The following AKR7A2 variants were observed in gnomAD, a reference collection of about 807,000 sequenced individuals.
AKR7A2 encodes aldo-keto reductase family 7 member A2, also known as aflatoxin B1 aldehyde reductase member 2.
AKR7A2 carries 29 observed loss-of-function variants against 37.3 expected under a neutral mutation model. That is an observed-to-expected ratio of 0.78 (90% CI 0.58 to 1.06). The LOEUF (loss-of-function observed/expected upper bound fraction) is 1.06, where lower values mean the gene tolerates loss of function less well. Among genes scored for constraint, AKR7A2 ranks in the 50% least tolerant of loss-of-function variants. The pLI is 0.00. For missense variants in AKR7A2, 529 were observed against 497.9 expected (o/e 1.06, Z -0.59); for synonymous variants, 228 against 217.8 (o/e 1.05, Z -0.41).
At chr1:19,311,227 T>C (rs1277990818) in intron 1 of AKR7A2, among the ~76,000 whole-genome samples, 1 of 152,182 alleles carries the variant, frequency 6.6e-6, no homozygotes, top group Non-Finnish European at 1.5e-5. Context: ...CTGAACTCCC[T>C]GTGGAGGGCT....
chr1:19,304,370 G>C lies in AKR7A2; in HGVS notation c.935C>G (p.Ala312Gly). ...CAGGCTGGACATGCCCAGGATGACC[G>C]CGTCCCCGTGGGCACCCTGCAAGGG... ...HSQLQGAHGD[A>G]VILGMSSLEQ... The change falls in exon 7 of 7, where the codon GCG becomes GGG. Residue 312 changes from alanine to glycine, a missense_variant. By Grantham distance (60) the Ala-to-Gly change is moderately conservative (BLOSUM62 0). Coordinates refer to ENST00000235835, the MANE Select transcript of AKR7A2 (RefSeq NM_003689.4). 1 of 1,614,014 alleles carries C rather than the reference G, an allele frequency of 6.2e-7. No homozygotes were observed. The highest frequency in any genetic ancestry group is 2.2e-5 in the East Asian group (1 of 44,868).
intron 5 of AKR7A2, 91 bp downstream of exon 5, chr1:19,306,911 G>A: frequency 8.8e-7 from 1 of 1,134,816 alleles, no homozygotes; most frequent in Non-Finnish European, 1.3e-6. Flanking sequence ...AACAGCAAAG[G>A]AAGGTCTTAC....
At chr1:19,308,970 G>A (rs1482027577) in intron 1 of AKR7A2, among the ~76,000 whole-genome samples, 1 of 152,126 alleles carries the variant, frequency 6.6e-6, no homozygotes, top group East Asian at 1.9e-4. Context: ...GGTACAATAT[G>A]GTAAGCACAG....
At chr1:19,310,151 A>G (rs1296666141) in intron 1 of AKR7A2, among the ~76,000 whole-genome samples, 1 of 152,192 alleles carries the variant, frequency 6.6e-6, no homozygotes, top group East Asian at 1.9e-4. Context: ...TGCACTTTTC[A>G]TACTTAGCAA....
Position 19,308,501 on chromosome 1 carries a change from G to T in AKR7A2, c.440C>A (p.Thr147Asn), listed in dbSNP as rs371315371. 1.2e-6 allele frequency: 2 copies of T among 1,614,192 alleles called. No homozygotes were observed. The highest frequency in any genetic ancestry group is 1.7e-6 in the Non-Finnish European group (2 of 1,180,032). Reference sequence around the variant, plus strand: ...GGCATGCAGCGTCTCTTCCACCGGGGTGCCGTGGTCAGGTGCGTGTAGGTA... The same window carrying T: ...GGCATGCAGCGTCTCTTCCACCGGGTTGCCGTGGTCAGGTGCGTGTAGGTA... Reference protein sequence around the residue: ...LFYLHAPDHGTPVEETLHACQ... With the variant: ...LFYLHAPDHGNPVEETLHACQ... Residue 147 changes from threonine to asparagine, a missense_variant, in exon 2 of 7, where the codon ACC (threonine) becomes AAC (asparagine). Coordinates refer to ENST00000235835, the MANE Select transcript of AKR7A2 (RefSeq NM_003689.4).
chr1:19,311,963 G>A lies in AKR7A2; in HGVS notation c.162C>T (p.Pro54=), dbSNP rs1024646138. The A allele has an allele frequency of 1.3e-6, 2 of 1,577,620 alleles. No homozygotes were observed. Among genetic ancestry groups the A allele is most frequent in the African/African-American group, 1.3e-5 (1 of 74,088 alleles). ...AGGCGCGCACGGCCGCGGCGCTGGC[G>A]GGCGCGTCCATGCGGCGCCCCATCT... ...TMEMGRRMDA[P]ASAAAVRAFL... Residue 54 remains proline (P), a synonymous_variant, in exon 1 of 7, where the codon CCC becomes CCT. Coordinates refer to ENST00000235835, the MANE Select transcript of AKR7A2 (RefSeq NM_003689.4).
In AKR7A2 at chr1:19,312,119, C is replaced by G; in HGVS notation, c.6G>C (p.Leu2=). The change falls in exon 1 of 7, where the codon CTG becomes CTC. Residue 2 remains leucine, a synonymous_variant. Coordinates refer to ENST00000235835, the MANE Select transcript of AKR7A2 (RefSeq NM_003689.4). M[L]SAASRVVSRA... Reference sequence around the variant, plus strand: ...GGGAGACTACGCGAGACGCGGCACTCAGCATAGCAGCGGCGCCTGCGCGTT... The same window carrying G: ...GGGAGACTACGCGAGACGCGGCACTGAGCATAGCAGCGGCGCCTGCGCGTT... 6 of 1,287,266 alleles carry G rather than the reference C, an allele frequency of 4.7e-6. No individual in the cohort carries two copies. In the South Asian group the frequency reaches 7.6e-5, roughly 16 times the overall value. 79.7% of individuals were successfully genotyped at this position (1,287,266 alleles called of 1,614,324 possible).
chr1:19,311,851 C>T lies in AKR7A2; in HGVS notation c.274G>A (p.Gly92Arg). ...SETILGGLGL[G>R]LGGGDCRVKI... ...CCTCTGCAGTCGCCACCGCCCAGCCCGAGCCCCAGGCCGCCCAGGATGGTC... is the reference window on the plus strand; with the variant it reads ...CCTCTGCAGTCGCCACCGCCCAGCCTGAGCCCCAGGCCGCCCAGGATGGTC... Residue 92 changes from glycine to arginine, a missense_variant, in exon 1 of 7, where the codon GGG becomes AGG. Physicochemically the swap from Gly to Arg is moderately radical, Grantham distance 125. Transcript: ENST00000235835. 3 of 1,610,500 alleles carry T rather than the reference C, an allele frequency of 1.9e-6. No homozygotes were observed. The highest frequency in any genetic ancestry group is 1.3e-5 in the African/African-American group (1 of 74,954).
chr1:19,304,467 T>C, intron 6 of AKR7A2, 81 bp from the exon 7 acceptor site: 1 of 1,610,752 alleles, frequency 6.2e-7, no homozygotes, highest in Non-Finnish European at 8.5e-7. Context: ...ACCTCCCTGC[T>C]GAGATCTGGG....
chr1:19,308,126 G>A (rs2093765236), intron 3 of AKR7A2, 32 bp downstream of exon 3: 1 of 1,613,532 alleles, frequency 6.2e-7, no homozygotes, highest in Non-Finnish European at 8.5e-7. Flanking sequence ...AGGAGTCCTG[G>A]AGACCTTGGC....
In AKR7A2 at chr1:19,306,084, A is replaced by C. The variant is rs776870978; in HGVS notation, c.852T>G (p.Tyr284Ter). 1.9e-6 allele frequency: 3 copies of C among 1,614,066 alleles called. No individual in the cohort carries two copies. Among genetic ancestry groups the C allele is most frequent in the Non-Finnish European group, 2.5e-6 (3 of 1,180,000 alleles). Reference sequence around the variant, plus strand: ...AGGTCACACTGGGGGCGCTGGCGCCATATGCGGCCTGCAGGGCCTTCTCCA... The same window carrying C: ...AGGTCACACTGGGGGCGCTGGCGCCCTATGCGGCCTGCAGGGCCTTCTCCA... ...ALVEKALQAAYGASAPSVTSA... is the reference protein window; with the variant it reads ...ALVEKALQAA The change falls in exon 6 of 7, where the codon TAT becomes TAG. Residue 284 changes from tyrosine (Y) to a stop codon, truncating the protein, a stop_gained. Transcript: ENST00000235835. LOFTEE classifies it high-confidence loss of function.
chr1:19,304,834 G>C (rs964612462), intron 6 of AKR7A2, among the ~76,000 whole-genome samples: 3 of 152,174 alleles, frequency 2.0e-5, no homozygotes, highest in African/African-American at 7.2e-5. Flanking sequence ...AGCTACTAGG[G>C]AGGCTGAGGC....
intron 3 of AKR7A2, 68 bp downstream of exon 3, chr1:19,308,090 G>C (rs749810562): frequency 3.8e-6 from 6 of 1,594,866 alleles, no homozygotes; most frequent in East Asian, 2.2e-5. Flanking sequence ...GGGCAGTCAG[G>C]GGGGCAAAGA....
intron 3 of AKR7A2, chr1:19,307,719 CA>C: frequency 1.9e-6 from 1 of 520,136 alleles, no homozygotes; most frequent in East Asian, 3.5e-5. Context: ...ACAAGGAAGG[CA>C]GTTAATTACA....
intron 3 of AKR7A2, 25 bp from the exon 4 acceptor site, chr1:19,307,435 C>T: frequency 6.2e-7 from 1 of 1,613,168 alleles, no homozygotes. Flanking sequence ...ACCCCGGGGA[C>T]AGGGTGGACA....
At chr1:19,308,289 CGCAGTGT>C in intron 2 of AKR7A2, 27 bp from the exon 3 acceptor site, 1 of 1,614,024 alleles carries the variant, frequency 6.2e-7, no homozygotes, top group Non-Finnish European at 8.5e-7. Flanking sequence ...CCAGTCAGAA[CGCAGTGT>C]AGCCCAGACC....
rs560724662 is a variant in AKR7A2 at position 19,312,131 on chromosome 1, G to A, written c.-7C>T. The stretch of plus-strand genomic sequence containing the variant: ...GAGACGCGGCACTCAGCATAGCAGC[G>A]GCGCCTGCGCGTTGGGAGCCGGGGG... On this transcript the variant is annotated 5_prime_UTR_variant, in exon 1 of 7. Coordinates refer to ENST00000235835, the MANE Select transcript of AKR7A2 (RefSeq NM_003689.4). The A allele has an allele frequency of 6.4e-5, 82 of 1,271,794 alleles. 2 individuals carry two copies. In the South Asian group the frequency reaches 1.4e-3, roughly 21 times the overall value. 78.8% of individuals were successfully genotyped at this position (1,271,794 alleles called of 1,614,324 possible). A position where few individuals can be genotyped will look rare whatever the true frequency, so the allele number is the denominator to read the frequency against.
chr1:19,311,488 G>C (rs1262098538), intron 1 of AKR7A2, among the ~76,000 whole-genome samples: 1 of 152,232 alleles, frequency 6.6e-6, no homozygotes. Flanking sequence ...TAACGAAGGG[G>C]TAGAGAAAAG....
At position 19,312,100 on chromosome 1, in the gene AKR7A2, C is replaced by A; in HGVS notation, c.25G>T (p.Val9Phe). The A allele has an allele frequency of 1.5e-6, 2 of 1,330,224 alleles. No individual in the cohort carries two copies. The highest frequency in any genetic ancestry group is 1.9e-6 in the Non-Finnish European group (2 of 1,049,628). 82.4% of individuals were successfully genotyped at this position (1,330,224 alleles called of 1,614,324 possible). MLSAASRV[V>F]SRAAVHCALR... The stretch of plus-strand genomic sequence containing the variant: ...GCGCAGTGGACGGCGGCGCGGGAGA[C>A]TACGCGAGACGCGGCACTCAGCATA... Residue 9 changes from valine to phenylalanine, a missense_variant, in exon 1 of 7, where the codon GTC becomes TTC. Coordinates refer to ENST00000235835, the MANE Select transcript of AKR7A2 (RefSeq NM_003689.4).
Sources: gnomAD v4.1 joint callset for allele counts (sites outside exome capture counted in the v4.1 genomes callset) on GRCh38, gnomAD v4.1.1 for gene constraint, MANE v1.5 for transcripts, NCBI Gene and HGNC (gene_info 2026-07-23, HGNC 2026-07-21) for gene names.